Variants in FGF14 observed in about 807,000 individuals in gnomAD.
FGF14 encodes the protein fibroblast growth factor homologous factor 4.
FGF14 carries 5 observed loss-of-function variants against 25.5 expected under a neutral mutation model. The ratio of observed to expected loss-of-function variants is 0.20; its 90% CI spans 0.10 to 0.41. The LOEUF is 0.41. Ranked by LOEUF, FGF14 falls within the 10% of genes least tolerant of loss-of-function variation. The probability of loss-of-function intolerance (pLI) is 1.00; values close to 1 mark genes in which losing one functional copy is unlikely to be tolerated. For synonymous variants in FGF14, 138 were observed against 118.3 expected, an observed-to-expected ratio of 1.17 and a Z score of -1.08; for missense variants, 222 against 320.1, an observed-to-expected ratio of 0.69 and a Z score of 2.34.
intron 1 of FGF14, among the ~76,000 whole-genome samples, chr13:102,084,680 AAAG>A (rs1425222831): frequency 1.3e-5 from 2 of 152,190 alleles, no homozygotes; most frequent in Non-Finnish European, 2.9e-5. Flanking sequence ...CACAGAAGGA[AAAG>A]AATAAAAACC....
chr13:102,150,837 TGCTGCCAATCA>T (rs2047053563), intron 1 of FGF14, among the ~76,000 whole-genome samples: 1 of 152,216 alleles, frequency 6.6e-6, no homozygotes, highest in Admixed American at 6.5e-5. Context: ...GAGATCTGGG[TGCTGCCAATCA>T]CCTTGCAAAG....
intron 1 of FGF14, among the ~76,000 whole-genome samples, chr13:101,927,038 C>G (rs2034410185): frequency 6.6e-6 from 1 of 152,034 alleles, no homozygotes; most frequent in South Asian, 2.1e-4. Context: ...GTTTTAGAGC[C>G]CCGAGACAAG....
chr13:101,889,918 C>T (rs745646831), intron 1 of FGF14, among the ~76,000 whole-genome samples: 6 of 152,174 alleles, frequency 3.9e-5, no homozygotes, highest in Non-Finnish European at 7.3e-5. Flanking sequence ...TATGACTCTA[C>T]ACCTGTCAAA....
rs79772453 is a variant in FGF14, at chr13:102,119,976, C to T, written c.209-244680G>A. ...TACAGCCAGTGTTGAACATTGCCCT[C>T]ACCCATCATGCCCCACCATCCTGCC... On this transcript the variant is annotated intron_variant, in intron 1 of 4. Transcript: ENST00000376131. Among the ~76,000 whole-genome samples, 647 of 152,274 alleles carry T rather than the reference C, an allele frequency of 4.2e-3. 4 individuals are homozygous for T. Among genetic ancestry groups the T allele is most frequent in the African/African-American group, 0.015 (631 of 41,554 alleles).
chr13:102,073,147 C>T (rs928648924), intron 1 of FGF14, among the ~76,000 whole-genome samples: 4 of 152,060 alleles, frequency 2.6e-5, no homozygotes, highest in Admixed American at 6.6e-5. Flanking sequence ...AGCTACTCAG[C>T]AGGCTGAGGC....
intron 1 of FGF14, among the ~76,000 whole-genome samples, chr13:102,147,419 T>C (rs1483483367): frequency 6.6e-6 from 1 of 152,240 alleles, no homozygotes; most frequent in Non-Finnish European, 1.5e-5. Context: ...CATTTCCATA[T>C]GCCTGACACT....
At position 102,075,467 on chromosome 13, in the gene FGF14, T is replaced by C. The variant is rs372189552; in HGVS notation, c.209-200171A>G. Among the ~76,000 whole-genome samples the C allele has an allele frequency of 3.9e-5, 6 of 152,308 alleles. No homozygotes were observed. The East Asian group carries it at 1.2e-3, about 29-fold the overall frequency. On this transcript the variant is annotated intron_variant, in intron 1 of 4. Coordinates refer to the FGF14 transcript ENST00000376131. ...GCACAATGCATTTCTCATGTGTTTG[T>C]GGTGATTCTGGTGTAAAAAAACCTA...
intron 3 of FGF14, among the ~76,000 whole-genome samples, chr13:101,866,129 T>C (rs6491652): frequency 0.45 from 67,794 of 151,764 alleles, 16,208 homozygotes; most frequent in East Asian, 0.66. Context: ...TCTTGACAAA[T>C]TTTCTATTAT....
intron 1 of FGF14, among the ~76,000 whole-genome samples, chr13:102,353,451 T>A (rs1035462040): frequency 1.3e-5 from 2 of 152,196 alleles, no homozygotes; most frequent in African/African-American, 2.4e-5. Context: ...GCTTCTGACA[T>A]AGATACCCAA....
intron 1 of FGF14, among the ~76,000 whole-genome samples, chr13:102,226,858 A>G (rs550495441): frequency 6.6e-6 from 1 of 151,936 alleles, no homozygotes; most frequent in Admixed American, 6.6e-5. Flanking sequence ...CACACATTCT[A>G]CCTTCCTTCC....
At chr13:102,351,174 C>A (rs1313894082) in intron 1 of FGF14, among the ~76,000 whole-genome samples, 2 of 152,008 alleles carry the variant, frequency 1.3e-5, no homozygotes, top group Non-Finnish European at 2.9e-5. Context: ...CATTATATTT[C>A]TTTCCTATGT....
intron 1 of FGF14, among the ~76,000 whole-genome samples, chr13:102,068,629 A>G (rs866922308): frequency 8.5e-5 from 13 of 152,240 alleles, no homozygotes; most frequent in Non-Finnish European, 1.9e-4. Context: ...CAGCGGCTGC[A>G]GAGGGTGTAC....
intron 3 of FGF14, among the ~76,000 whole-genome samples, chr13:101,800,881 G>A (rs1298017412): frequency 2.6e-5 from 4 of 152,140 alleles, no homozygotes; most frequent in Admixed American, 6.5e-5. Flanking sequence ...AGAAATAGGT[G>A]ATCGTCCAGA....
intron 1 of FGF14, among the ~76,000 whole-genome samples, chr13:102,215,061 AAAC>A (rs1383286233): frequency 5.3e-5 from 8 of 150,260 alleles, no homozygotes; most frequent in African/African-American, 2.0e-4. Flanking sequence ...TGTGAAGGAG[AAAC>A]ATATCACTAT....
chr13:102,040,488 C>T (rs550016560), intron 1 of FGF14, among the ~76,000 whole-genome samples: 19 of 152,210 alleles, frequency 1.2e-4, no homozygotes, highest in African/African-American at 4.6e-4. Flanking sequence ...TCTTATGTCA[C>T]TCTATATCTT....
At chr13:102,087,575 CTTTTTTTTTTT>C (rs1166446102) in intron 1 of FGF14, among the ~76,000 whole-genome samples, 1 of 79,878 alleles carries the variant, frequency 1.3e-5, no homozygotes, top group African/African-American at 5.7e-5. Flanking sequence ...CCATGCCTGG[CTTTTTTTTTTT>C]TTTTTTTTTT....
intron 1 of FGF14, among the ~76,000 whole-genome samples, chr13:102,318,416 A>T (rs2056118054): frequency 6.6e-6 from 1 of 152,150 alleles, no homozygotes; most frequent in Non-Finnish European, 1.5e-5. Flanking sequence ...AACAACAGAC[A>T]TGTATTGTCT....
intron 1 of FGF14, among the ~76,000 whole-genome samples, chr13:102,000,273 T>C (rs1348324362): frequency 1.3e-5 from 2 of 152,240 alleles, no homozygotes; most frequent in African/African-American, 2.4e-5. Context: ...GAGCTGAGAT[T>C]GTGCCACTGC....
At chr13:101,746,170 A>G (rs2036875345) in intron 3 of FGF14, among the ~76,000 whole-genome samples, 1 of 152,052 alleles carries the variant, frequency 6.6e-6, no homozygotes, top group East Asian at 1.9e-4. Flanking sequence ...GCTGAGATTA[A>G]TTATTTGGAA....
Sources: allele counts gnomAD v4.1 joint callset (sites outside exome capture counted in the v4.1 genomes callset), GRCh38; gene constraint gnomAD v4.1.1; transcripts MANE v1.5; gene names NCBI Gene and HGNC (gene_info 2026-07-23, HGNC 2026-07-21).